WIZ: variants seen among roughly 807,000 people sequenced by gnomAD.
The protein encoded by WIZ is WIZ zinc finger.
In WIZ, 25 loss-of-function variants were observed where a neutral mutation model predicts 140.2. The ratio of observed to expected loss-of-function variants is 0.18; its 90% CI spans 0.13 to 0.25. WIZ has a LOEUF of 0.25. Among genes scored for constraint, WIZ ranks in the 10% least tolerant of loss-of-function variants. The pLI, the probability that WIZ is intolerant of heterozygous loss-of-function variation, is 1.00. For missense variants in WIZ, 2,231 were observed against 2,632.6 expected, an observed-to-expected ratio of 0.85 and a Z score of 3.34; for synonymous variants, 1,125 against 1,154.3, an observed-to-expected ratio of 0.97 and a Z score of 0.51.
rs529041713 is a variant in WIZ, at chr19:15,447,741, G to A, written c.205+362C>T. ...CACCCAGACAGCCAGAGGGAGCTGGGATAGACTGATGGGAGTGGGGAATAC... is the reference window on the plus strand; with the variant it reads ...CACCCAGACAGCCAGAGGGAGCTGGAATAGACTGATGGGAGTGGGGAATAC... On this transcript the variant is annotated intron_variant, in intron 2 of 12. Transcript: ENST00000673675. 9.2e-5 allele frequency among the ~76,000 whole-genome samples: 14 copies of A among 152,330 alleles called. No individual in the cohort carries two copies. The South Asian group carries it at 1.7e-3, about 18-fold the overall frequency.
rs1388848521 is a variant in WIZ at position 15,425,826 on chromosome 19, G to GGA, written c.4367-59_4367-58insTC. The GGA allele has an allele frequency of 4.5e-3, 309 of 68,682 alleles. 30 individuals carry two copies. The East Asian group carries it at 0.1, about 23-fold the overall frequency. The allele number at this position is 68,682 out of a possible 1,614,324, so 4.3% of individuals were successfully genotyped here. On this transcript the variant is annotated intron_variant, in intron 9 of 12. Transcript: ENST00000673675. The stretch of plus-strand genomic sequence containing the variant: ...GGAGGAGGAGGAGGAGGGAGGAGGA[G>GGA]GGAGGAGGAGGGAGGAGGAGGAGGG...
intron 5 of WIZ, among the ~76,000 whole-genome samples, chr19:15,435,196 C>T (rs919708616): frequency 6.6e-6 from 1 of 151,862 alleles, no homozygotes; most frequent in African/African-American, 2.4e-5. Flanking sequence ...CCAGCCTGGG[C>T]GACAGAGTGA....
Position 15,431,054 on chromosome 19 carries a change from C to T in WIZ, c.2869G>A (p.Glu957Lys). The stretch of plus-strand genomic sequence containing the variant: ...TCCTGTTTGCTGCCATGAGGAACCT[C>T]TGCAGCCACTTTGCTGCTCAGCCGA... The part of the protein sequence containing the change: ...ASRLSSKVAA[E>K]VPHGSKQELQ... Residue 957 changes from glutamate (E) to lysine (K), a missense_variant, in exon 6 of 13, where the codon GAG (glutamate) becomes AAG (lysine). This residue lies in a region of WIZ where 137 missense variants were observed against 135.8 expected (regional missense o/e 1.01). Transcript: ENST00000673675. 1.3e-6 allele frequency: 2 copies of T among 1,535,924 alleles called. No individual in the cohort carries two copies. Among genetic ancestry groups the T allele is most frequent in the Non-Finnish European group, 1.7e-6 (2 of 1,146,798 alleles).
chr19:15,448,862 T>C (rs1311724087), intron 1 of WIZ, among the ~76,000 whole-genome samples: 1 of 152,092 alleles, frequency 6.6e-6, no homozygotes, highest in African/African-American at 2.4e-5. Context: ...CTCCATTGGG[T>C]TGTCCCATAC....
intron 2 of WIZ, among the ~76,000 whole-genome samples, chr19:15,445,866 G>A (rs1051823807): frequency 2.0e-4 from 31 of 152,286 alleles, no homozygotes; most frequent in African/African-American, 7.2e-4. Flanking sequence ...CTCTTGGGGG[G>A]CTCTGAGGGC....
chr19:15,447,999 C>T, intron 2 of WIZ, 104 bp downstream of exon 2: 1 of 1,334,350 alleles, frequency 7.5e-7, no homozygotes, highest in Non-Finnish European at 1.0e-6. Context: ...CAAGCGGAAT[C>T]AGCATCCCAG....
chr19:15,434,995 G>A (rs1969467339), intron 5 of WIZ, among the ~76,000 whole-genome samples: 2 of 152,186 alleles, frequency 1.3e-5, no homozygotes, highest in South Asian at 2.1e-4. Flanking sequence ...TTGGGAGGAC[G>A]AGGCAGGCGG....
At chr19:15,438,009 A>ACG (rs1882533352) in intron 4 of WIZ, among the ~76,000 whole-genome samples, 1 of 151,946 alleles carries the variant, frequency 6.6e-6, no homozygotes, top group African/African-American at 2.4e-5. Flanking sequence ...ACACACACAC[A>ACG]CACGCACACA....
rs1223831735 is a variant in WIZ, at chr19:15,425,286, G to C, written c.4849C>G (p.Leu1617Val). Residue 1617 changes from leucine (L) to valine (V), a missense_variant, in exon 10 of 13, where the codon CTG (leucine) becomes GTG (valine). Coordinates refer to ENST00000673675, the MANE Select transcript of WIZ (RefSeq NM_001371589.1). ...TGAAGGGTCTTTGCCTTGAAGGGCA[G>C]TTCAGTCTGGATGTAGGTCTTGGCC... ...VKAKTYIQTE[L>V]PFKAKTLHEK... 6.3e-7 allele frequency: 1 copy of C among 1,591,924 alleles called. No individual in the cohort carries two copies. The highest frequency in any genetic ancestry group is 8.5e-7 in the Non-Finnish European group (1 of 1,169,972).
intron 5 of WIZ, among the ~76,000 whole-genome samples, chr19:15,431,927 C>A (rs1202727386): frequency 2.0e-5 from 3 of 152,090 alleles, no homozygotes; most frequent in African/African-American, 7.2e-5. Flanking sequence ...CAGTTGAACT[C>A]CAAATTTAGA....
intron 5 of WIZ, chr19:15,433,228 C>A: frequency 1.0e-6 from 1 of 984,268 alleles, no homozygotes; most frequent in South Asian, 4.7e-5. Flanking sequence ...CCCGACGGTG[C>A]CGTTCCGCAG....
At chr19:15,443,140 C>T (rs548479740) in intron 2 of WIZ, among the ~76,000 whole-genome samples, 2 of 152,336 alleles carry the variant, frequency 1.3e-5, no homozygotes, top group Admixed American at 6.5e-5. Flanking sequence ...GGCACAATCT[C>T]GGCTCACTGC....
chr19:15,429,072 C>T (rs184515347), intron 7 of WIZ, among the ~76,000 whole-genome samples: 1 of 152,310 alleles, frequency 6.6e-6, no homozygotes, highest in East Asian at 1.9e-4. Flanking sequence ...ACCCTGCCTG[C>T]CGTGCCCACA....
Position 15,439,219 on chromosome 19 carries a change from A to G in WIZ, c.1775T>C (p.Leu592Ser). The G allele has an allele frequency of 6.5e-7, 1 of 1,535,516 alleles. No individual in the cohort carries two copies. The highest frequency in any genetic ancestry group is 1.7e-4 in the Middle Eastern group (1 of 5,978). Reference sequence around the variant, plus strand: ...GGTGCTTTTGTTTCTCCCGAGCTGTAAGGAGTAGGGGGTGGATGCTAGTGT... The same window carrying G: ...GGTGCTTTTGTTTCTCCCGAGCTGTGAGGAGTAGGGGGTGGATGCTAGTGT... ...PSTLASTPYS[L>S]QLGRNKSTVH... The change falls in exon 4 of 13, where the codon TTA (leucine) becomes TCA (serine). Residue 592 changes from leucine to serine, a missense_variant. Coordinates refer to ENST00000673675, the MANE Select transcript of WIZ (RefSeq NM_001371589.1). The surrounding 1 kb of genome is among the most constrained non-coding windows in gnomAD (Gnocchi z 7.0).
chr19:15,433,838 G>C (rs565842250), intron 5 of WIZ, among the ~76,000 whole-genome samples: 1 of 152,322 alleles, frequency 6.6e-6, no homozygotes, highest in African/African-American at 2.4e-5. Context: ...AAGGAGAGGG[G>C]GCTTTGATAG....
intron 6 of WIZ, 104 bp from the exon 7 acceptor site, chr19:15,430,193 G>C (rs1969141291): frequency 7.1e-7 from 1 of 1,418,020 alleles, no homozygotes; most frequent in African/African-American, 1.4e-5. Flanking sequence ...CTCCATGGAA[G>C]TGTTTTGCCT....
chr19:15,424,784 T>C lies in WIZ; in HGVS notation c.5143A>G (p.Lys1715Glu), dbSNP rs1289345293. The C allele has an allele frequency of 3.8e-6, 6 of 1,595,500 alleles. No individual in the cohort carries two copies. The African/African-American group carries it at 8.0e-5, about 21-fold the overall frequency. Reference sequence around the variant, plus strand: ...GGTGCCAGCCCCAGGGACGGCCGCTTGTCACTGTCACGGCCATGGCCGGCA... The same window carrying C: ...GGTGCCAGCCCCAGGGACGGCCGCTCGTCACTGTCACGGCCATGGCCGGCA... ...RSAGHGRDSD[K>E]RPSLGLAPGG... Residue 1715 changes from lysine (K) to glutamate (E), a missense_variant, in exon 11 of 13, where the codon AAG (lysine) becomes GAG (glutamate). Lys to Glu is a moderately conservative substitution (Grantham distance 56). Transcript: ENST00000673675. The surrounding 1 kb of genome is among the most constrained non-coding windows in gnomAD (Gnocchi z 9.7).
intron 5 of WIZ, among the ~76,000 whole-genome samples, chr19:15,434,422 G>T (rs1969439276): frequency 6.6e-6 from 1 of 151,706 alleles, no homozygotes; most frequent in South Asian, 2.1e-4. Flanking sequence ...AATTAGCCGG[G>T]CGTGGTGGCA....
At chr19:15,432,985 G>A (rs974117199) in intron 5 of WIZ, among the ~76,000 whole-genome samples, 2 of 152,020 alleles carry the variant, frequency 1.3e-5, no homozygotes, top group South Asian at 2.1e-4. Context: ...CGCCGCCCCA[G>A]CCCAGTCCCC....
Sources: gnomAD v4.1 joint callset for allele counts (sites outside exome capture counted in the v4.1 genomes callset) on GRCh38, gnomAD v4.1.1 for gene constraint, gnomAD v4.1.1 regional missense constraint, Gnocchi (gnomAD v3.1) non-coding constraint, MANE v1.5 for transcripts, NCBI Gene and HGNC (gene_info 2026-07-23, HGNC 2026-07-21) for gene names.